Variants in PTPRT observed in about 807,000 individuals in gnomAD.
PTPRT encodes receptor-type tyrosine-protein phosphatase T.
Under a neutral mutation model 176.8 loss-of-function variants are expected in PTPRT, and 56 were observed. The observed-to-expected ratio is 0.32, with a 90% confidence interval of 0.26 to 0.40. PTPRT has a LOEUF of 0.40. Among genes scored for constraint, PTPRT ranks in the 10% least tolerant of loss-of-function variants. The probability of loss-of-function intolerance (pLI) is 1.00; values close to 1 mark genes in which losing one functional copy is unlikely to be tolerated. For synonymous variants in PTPRT, 783 were observed against 739.0 expected, an observed-to-expected ratio of 1.06 and a Z score of -0.96; for missense variants, 1,540 against 1,908.2, an observed-to-expected ratio of 0.81 and a Z score of 3.60.
chr20:43,184,304 A>G (rs1198206717), intron 1 of PTPRT, among the ~76,000 whole-genome samples: 2 of 152,210 alleles, frequency 1.3e-5, no homozygotes, highest in African/African-American at 4.8e-5. Context: ...ACCAGTCTGA[A>G]GGTGCATCTG....
rs180852203 is a variant in PTPRT at position 42,691,026 on chromosome 20, C to T, written c.860-12867G>A. ...TCCTGTAATGGGCCATTCAGCCCAGCGCCTCTAGCCTCCTGAGATGCCCCC... is the reference window on the plus strand; with the variant it reads ...TCCTGTAATGGGCCATTCAGCCCAGTGCCTCTAGCCTCCTGAGATGCCCCC... On this transcript the variant is annotated intron_variant, in intron 6 of 30. Coordinates refer to ENST00000373187, the MANE Select transcript of PTPRT (RefSeq NM_007050.6). 2.5e-4 allele frequency among the ~76,000 whole-genome samples: 37 copies of T among 150,850 alleles called. No homozygotes were observed. The East Asian group carries it at 5.6e-3, about 23-fold the overall frequency.
intron 19 of PTPRT, among the ~76,000 whole-genome samples, chr20:42,121,330 A>AC (rs1298183062): frequency 1.3e-5 from 2 of 152,190 alleles, no homozygotes; most frequent in Admixed American, 1.3e-4. Context: ...AGCCCTACTA[A>AC]AACTCTGTGC....
chr20:42,265,127 G>A (rs993765145), intron 13 of PTPRT, among the ~76,000 whole-genome samples: 4 of 152,182 alleles, frequency 2.6e-5, no homozygotes, highest in African/African-American at 9.7e-5. Context: ...ATGAGAAAAT[G>A]GGGAAACTTT....
At chr20:43,126,930 A>G (rs1266703402) in intron 1 of PTPRT, among the ~76,000 whole-genome samples, 2 of 152,222 alleles carry the variant, frequency 1.3e-5, no homozygotes, top group Non-Finnish European at 2.9e-5. Context: ...AGCAACATCG[A>G]AACGGAATCA....
At chr20:43,141,236 C>T (rs2013992771) in intron 1 of PTPRT, among the ~76,000 whole-genome samples, 1 of 152,214 alleles carries the variant, frequency 6.6e-6, no homozygotes, top group Non-Finnish European at 1.5e-5. Context: ...GGCTTCAAAT[C>T]GCCACCACTT....
intron 17 of PTPRT, among the ~76,000 whole-genome samples, chr20:42,152,855 A>G (rs1989195875): frequency 6.6e-6 from 1 of 152,220 alleles, no homozygotes; most frequent in Non-Finnish European, 1.5e-5. Flanking sequence ...AAAACTGTGC[A>G]ACGGGTGTAA....
At chr20:42,803,092 G>A (rs2077553836) in intron 2 of PTPRT, among the ~76,000 whole-genome samples, 1 of 152,242 alleles carries the variant, frequency 6.6e-6, no homozygotes, top group South Asian at 2.1e-4. Flanking sequence ...GAATTCAGCA[G>A]GGTAAGGCAG....
chr20:42,688,648 C>T (rs1401248248), intron 6 of PTPRT: 1 of 152,020 alleles, frequency 6.6e-6, no homozygotes, highest in African/African-American at 2.4e-5. Context: ...ATGAGGAGAC[C>T]AAGGTACAAA....
intron 7 of PTPRT, among the ~76,000 whole-genome samples, chr20:42,650,043 C>T (rs1569055408): frequency 6.6e-6 from 1 of 152,194 alleles, no homozygotes; most frequent in African/African-American, 2.4e-5. Flanking sequence ...GGTCACATGA[C>T]CACACTCAGC....
chr20:43,037,515 T>G (rs972379410), intron 1 of PTPRT, among the ~76,000 whole-genome samples: 3 of 152,158 alleles, frequency 2.0e-5, no homozygotes, highest in African/African-American at 4.8e-5. Context: ...AAGCCACCAG[T>G]AAAACCCTAC....
intron 15 of PTPRT, among the ~76,000 whole-genome samples, chr20:42,210,097 AC>A (rs1169844914): frequency 1.2e-4 from 18 of 152,156 alleles, no homozygotes; most frequent in Admixed American, 3.9e-4. Context: ...AAATTCAACA[AC>A]CCTTCATGCT....
chr20:43,112,312 G>A (rs999746159), intron 1 of PTPRT, among the ~76,000 whole-genome samples: 1 of 152,178 alleles, frequency 6.6e-6, no homozygotes, highest in Non-Finnish European at 1.5e-5. Flanking sequence ...TCTAAAGGGT[G>A]CCAAGGACTA....
In PTPRT at chr20:42,842,507, C is replaced by T. The variant is rs527659755; in HGVS notation, c.214+43300G>A. Among the ~76,000 whole-genome samples the T allele has an allele frequency of 5.9e-5, 9 of 151,976 alleles. No individual in the cohort carries two copies. In the East Asian group the frequency reaches 9.7e-4, roughly 16 times the overall value. The stretch of plus-strand genomic sequence containing the variant: ...CAATCTCAGCTCACTGCAACCTCTG[C>T]CCCCCAGATTCAAGCAATTCTCCTG... On this transcript the variant is annotated intron_variant, in intron 2 of 30. Coordinates refer to ENST00000373187, the MANE Select transcript of PTPRT (RefSeq NM_007050.6).
chr20:42,182,070 T>C (rs1990548283), intron 16 of PTPRT, among the ~76,000 whole-genome samples: 1 of 152,062 alleles, frequency 6.6e-6, no homozygotes, highest in South Asian at 2.1e-4. Flanking sequence ...TTTTGGGAAA[T>C]GCTTAGTGTT....
chr20:42,183,679 T>C (rs1010237058), intron 16 of PTPRT, among the ~76,000 whole-genome samples: 1 of 152,190 alleles, frequency 6.6e-6, no homozygotes, highest in African/African-American at 2.4e-5. Flanking sequence ...GTTACCAGGA[T>C]GACCACAATT....
chr20:42,038,333 C>T, the PTPRT span, among the ~76,000 whole-genome samples: 4 of 152,112 alleles, frequency 2.6e-5, no homozygotes, highest in Non-Finnish European at 5.9e-5. Flanking sequence ...TACAAGTATA[C>T]GAGAAGGAAA....
chr20:42,166,249 A>G (rs1006123015), intron 16 of PTPRT, among the ~76,000 whole-genome samples: 1 of 152,226 alleles, frequency 6.6e-6, no homozygotes, highest in Non-Finnish European at 1.5e-5. Flanking sequence ...GATCCAGTGT[A>G]AAACAGCTCT....
intron 11 of PTPRT, among the ~76,000 whole-genome samples, chr20:42,345,582 A>ATGTGTGTG (rs56310086): frequency 0.018 from 1,721 of 94,644 alleles, 81 homozygotes; most frequent in African/African-American, 0.051. Context: ...ATACATATAT[A>ATGTGTGTG]TGTGTGTGTG....
chr20:42,107,527 G>A (rs1986577113), intron 23 of PTPRT, among the ~76,000 whole-genome samples: 1 of 152,188 alleles, frequency 6.6e-6, no homozygotes, highest in Non-Finnish European at 1.5e-5. Context: ...GGCTTCTTTA[G>A]GAGAATCTCA....
Sources: gnomAD v4.1 joint callset for allele counts (sites outside exome capture counted in the v4.1 genomes callset) on GRCh38, gnomAD v4.1.1 for gene constraint, MANE v1.5 for transcripts, NCBI Gene and HGNC (gene_info 2026-07-23, HGNC 2026-07-21) for gene names.